GLG1: variants seen among roughly 807,000 people sequenced by gnomAD.
GLG1 encodes the protein Golgi apparatus protein 1.
A neutral mutation model predicts 160.5 loss-of-function variants in GLG1; 38 were observed. That is an observed-to-expected ratio of 0.24 (90% confidence interval 0.18 to 0.31). GLG1 has a LOEUF of 0.31. Ranked by LOEUF, GLG1 falls within the 10% of genes least tolerant of loss-of-function variation. The pLI is 1.00. For missense variants in GLG1, 1,373 were observed against 1,505.2 expected, an observed-to-expected ratio of 0.91 and a Z score of 1.45; for synonymous variants, 644 against 543.4, an observed-to-expected ratio of 1.19 and a Z score of -2.57.
intron 1 of GLG1, among the ~76,000 whole-genome samples, chr16:74,597,344 T>A (rs1191369820): frequency 6.8e-6 from 1 of 147,554 alleles, no homozygotes; most frequent in African/African-American, 2.5e-5. Context: ...GGCAGGAGAA[T>A]CGCTTGAACC....
intron 1 of GLG1, among the ~76,000 whole-genome samples, chr16:74,573,522 ACTTAT>A (rs2018896680): frequency 9.3e-6 from 1 of 106,980 alleles, no homozygotes; most frequent in Non-Finnish European, 2.3e-5. Flanking sequence ...TAAAACTTAT[ACTTAT>A]ATATCTAAAG....
rs2016958215 is a variant in GLG1 at position 74,515,756 on chromosome 16, A to C, written c.472-6831T>G. On this transcript the variant is annotated intron_variant, in intron 2 of 25. Coordinates refer to ENST00000422840, the MANE Select transcript of GLG1 (RefSeq NM_001145667.2). ...CCAATTAAAAGACACAGATTGGCAA[A>C]CTGGATAAAGAGTCAAGACCCATCA... Among the ~76,000 whole-genome samples the C allele has an allele frequency of 3.3e-5, 5 of 151,824 alleles. No homozygotes were observed. The South Asian group carries it at 1.0e-3, about 32-fold the overall frequency.
chr16:74,487,054 C>A (rs1337880925), intron 8 of GLG1, among the ~76,000 whole-genome samples: 3 of 151,826 alleles, frequency 2.0e-5, no homozygotes, highest in Admixed American at 2.0e-4. Flanking sequence ...GCTGGGACTA[C>A]GGGCATGTAC....
rs1174548140 is a variant in GLG1 at position 74,503,956 on chromosome 16, G to T, written c.559-210C>A. On this transcript the variant is annotated intron_variant, in intron 3 of 25. Coordinates refer to ENST00000422840, the MANE Select transcript of GLG1 (RefSeq NM_001145667.2). ...AAATAGTGTCATCCCTACTCAGACT[G>T]TTGTGCCTTCTAGAAAAACCTGATT... Among the ~76,000 whole-genome samples the T allele has an allele frequency of 3.9e-5, 6 of 152,178 alleles. No individual in the cohort carries two copies. The South Asian group carries it at 1.0e-3, about 26-fold the overall frequency.
At chr16:74,463,306 T>C (rs756932655) in intron 20 of GLG1, 50 bp downstream of exon 20, 7 of 1,595,582 alleles carry the variant, frequency 4.4e-6, no homozygotes, top group Admixed American at 3.4e-5. Context: ...AGCCACTGAA[T>C]TCCTTTTCAG....
chr16:74,483,948 C>G (rs1184974982), intron 9 of GLG1, among the ~76,000 whole-genome samples: 1 of 152,110 alleles, frequency 6.6e-6, no homozygotes, highest in East Asian at 1.9e-4. Context: ...CGTGAGCCAC[C>G]GTGCCCGGCC....
intron 9 of GLG1, among the ~76,000 whole-genome samples, chr16:74,484,304 C>G (rs2015713590): frequency 6.6e-6 from 1 of 152,064 alleles, no homozygotes; most frequent in African/African-American, 2.4e-5. Flanking sequence ...AATGGGAAAG[C>G]TGCTCTTACT....
chr16:74,566,572 C>T (rs1286710860), intron 1 of GLG1, among the ~76,000 whole-genome samples: 1 of 152,100 alleles, frequency 6.6e-6, no homozygotes, highest in Non-Finnish European at 1.5e-5. Flanking sequence ...GACTTTAATC[C>T]AGACTACCGT....
chr16:74,548,691 T>A (rs1257762933), intron 1 of GLG1, among the ~76,000 whole-genome samples: 2 of 152,102 alleles, frequency 1.3e-5, no homozygotes, highest in Non-Finnish European at 2.9e-5. Flanking sequence ...AGATGATCAA[T>A]TCTTAGACAT....
At chr16:74,496,713 TAC>T (rs34221253) in intron 4 of GLG1, 69 bp from the exon 5 acceptor site, 88,678 of 607,398 alleles carry the variant, frequency 0.15, 1,571 homozygotes, top group East Asian at 0.33. Flanking sequence ...AACATTTGGC[TAC>T]ACACACACAC....
chr16:74,558,642 C>G (rs911388689), intron 1 of GLG1, among the ~76,000 whole-genome samples: 8 of 152,182 alleles, frequency 5.3e-5, no homozygotes, highest in African/African-American at 1.7e-4. Context: ...GAAGAAATCT[C>G]CAATTTTATT....
chr16:74,469,378 C>A (rs2015116687), intron 16 of GLG1: 1 of 332,070 alleles, frequency 3.0e-6, no homozygotes, highest in East Asian at 5.3e-5. Context: ...CTGCTCTTAA[C>A]TCTAGGACTG....
chr16:74,591,182 T>A (rs1297774870), intron 1 of GLG1, among the ~76,000 whole-genome samples: 1 of 150,344 alleles, frequency 6.7e-6, no homozygotes, highest in Non-Finnish European at 1.5e-5. Flanking sequence ...AATACAAAAA[T>A]TAGCTGGGTG....
In GLG1 at chr16:74,491,193, G is replaced by A; in HGVS notation, c.1257C>T (p.Cys419=). Residue 419 remains cysteine, a synonymous_variant, in exon 8 of 26, where the codon TGC becomes TGT. Coordinates refer to ENST00000422840, the MANE Select transcript of GLG1 (RefSeq NM_001145667.2). The part of the protein sequence containing the change: ...VHRGRQVSSE[C]QGEMLDYRRM... The stretch of plus-strand genomic sequence containing the variant: ...GTCGGTAATCCAGCATCTCCCCCTG[G>A]CACTCACTGCTGACTTGTCGCCCTA... 6.2e-7 allele frequency: 1 copy of A among 1,613,588 alleles called. No homozygotes were observed.
At chr16:74,504,592 T>C (rs1291569391) in intron 3 of GLG1, among the ~76,000 whole-genome samples, 1 of 152,226 alleles carries the variant, frequency 6.6e-6, no homozygotes, top group Admixed American at 6.5e-5. Flanking sequence ...CTGGCCTACT[T>C]CTTGACATGA....
Position 74,452,791 on chromosome 16 carries a change from T to C in GLG1, c.*376A>G. Reference sequence around the variant, plus strand: ...GGAGGAGATGCGTTACTATATACATTTTTTTCTTTAAAAAAATTTTTTTTT... The same window carrying C: ...GGAGGAGATGCGTTACTATATACATCTTTTTCTTTAAAAAAATTTTTTTTT... On this transcript the variant is annotated 3_prime_UTR_variant, in exon 26 of 26. Coordinates refer to ENST00000422840, the MANE Select transcript of GLG1 (RefSeq NM_001145667.2). 1.0e-6 allele frequency: 1 copy of C among 999,190 alleles called. No homozygotes were observed. The highest frequency in any genetic ancestry group is 1.2e-6 in the Non-Finnish European group (1 of 838,402). 61.9% of individuals were successfully genotyped at this position (999,190 alleles called of 1,614,324 possible). A position where few individuals can be genotyped will look rare whatever the true frequency, so the allele number is the denominator to read the frequency against.
At chr16:74,603,234 ACT>A (rs1280735627) in intron 1 of GLG1, among the ~76,000 whole-genome samples, 4 of 151,902 alleles carry the variant, frequency 2.6e-5, no homozygotes, top group African/African-American at 7.3e-5. Context: ...ACATGGTGAA[ACT>A]CTGTCTCTAC....
At chr16:74,499,697 GGCA>G (rs1446066555) in intron 4 of GLG1, among the ~76,000 whole-genome samples, 17 of 152,112 alleles carry the variant, frequency 1.1e-4, no homozygotes. Flanking sequence ...TAACTACACT[GGCA>G]TTAGGTCATA....
At chr16:74,553,078 G>T (rs1170871699) in intron 1 of GLG1, among the ~76,000 whole-genome samples, 2 of 151,974 alleles carry the variant, frequency 1.3e-5, no homozygotes, top group Non-Finnish European at 2.9e-5. Context: ...AAATTAGTCG[G>T]GTGTGGCGGC....
Sources: gnomAD v4.1 joint callset for allele counts (sites outside exome capture counted in the v4.1 genomes callset) on GRCh38, gnomAD v4.1.1 for gene constraint, MANE v1.5 for transcripts, NCBI Gene and HGNC (gene_info 2026-07-23, HGNC 2026-07-21) for gene names.